ABCB5: variants seen among roughly 807,000 people sequenced by gnomAD.
The protein encoded by ABCB5 is ATP binding cassette subfamily B member 5.
A neutral mutation model predicts 144.2 loss-of-function variants in ABCB5; 155 were observed. The ratio of observed to expected loss-of-function variants is 1.08; its 90% confidence interval spans 0.94 to 1.23. The LOEUF (loss-of-function observed/expected upper bound fraction) is 1.23, where lower values mean the gene tolerates loss of function less well. ABCB5 is among the 50% of genes most tolerant of loss of function. The pLI is 0.00. For synonymous variants in ABCB5, 610 were observed against 528.6 expected (o/e 1.15, Z -2.11); for missense variants, 1,830 against 1,520.8 (o/e 1.20, Z -3.38).
At chr7:20,659,341 T>TA in intron 14 of ABCB5, 1 of 1,336,088 alleles carries the variant, frequency 7.5e-7, no homozygotes, top group Non-Finnish European at 9.6e-7. Flanking sequence ...TCAGACCCCT[T>TA]ACAAGGCTTA....
At chr7:20,621,524 G>A (rs1356669803) in intron 1 of ABCB5, among the ~76,000 whole-genome samples, 2 of 152,030 alleles carry the variant, frequency 1.3e-5, no homozygotes, top group African/African-American at 2.4e-5. Flanking sequence ...AATAAAACAT[G>A]GGGTTCCTCA....
At chr7:20,660,468 T>A in intron 14 of ABCB5, 5 of 897,740 alleles carry the variant, frequency 5.6e-6, no homozygotes, top group Non-Finnish European at 6.7e-6. Flanking sequence ...AGTAGCACAG[T>A]AAACTAGATT....
At position 20,723,052 on chromosome 7, in the gene ABCB5, G is replaced by A. The variant is rs747525237; in HGVS notation, c.2458G>A (p.Ala820Thr). Residue 820 changes from alanine to threonine, a missense_variant, in exon 21 of 28, where the codon GCA becomes ACA. Physicochemically the swap from Ala to Thr is moderately conservative, Grantham distance 58. Transcript: ENST00000404938. ...GSRIGVLTQN[A>T]TNMGLSVIIS... is the part of the protein sequence containing the mutation. Reference sequence around the variant, plus strand: ...CAGGATTGGCGTCTTAACACAAAATGCAACTAACATGGGACTTTCAGTTAT... The same window carrying A: ...CAGGATTGGCGTCTTAACACAAAATACAACTAACATGGGACTTTCAGTTAT... The A allele has an allele frequency of 2.5e-6, 4 of 1,613,974 alleles. No homozygotes were observed. Among genetic ancestry groups the A allele is most frequent in the Non-Finnish European group, 3.4e-6 (4 of 1,180,026 alleles).
At chr7:20,656,897 TTC>T (rs922759018) in intron 13 of ABCB5, among the ~76,000 whole-genome samples, 2 of 146,350 alleles carry the variant, frequency 1.4e-5, no homozygotes, top group African/African-American at 5.2e-5. Context: ...GATCTAATTT[TTC>T]TTTTTCCTTT....
intron 14 of ABCB5, 122 bp downstream of exon 14, chr7:20,658,798 G>A: frequency 8.2e-7 from 1 of 1,222,942 alleles, no homozygotes; most frequent in Admixed American, 2.6e-5. Flanking sequence ...TATAAAGGCA[G>A]GATGTTAATC....
chr7:20,745,085 T>G, intron 25 of ABCB5, 147 bp from the exon 26 acceptor site: 15 of 811,874 alleles, frequency 1.8e-5, no homozygotes, highest in East Asian at 2.7e-5. Flanking sequence ...GTATGATTTA[T>G]GAGCCTTCCT....
At chr7:20,669,984 G>T (rs1785411688) in intron 14 of ABCB5, among the ~76,000 whole-genome samples, 1 of 152,144 alleles carries the variant, frequency 6.6e-6, no homozygotes, top group African/African-American at 2.4e-5. Flanking sequence ...TATCAGCATA[G>T]GCTGAATATC....
chr7:20,699,907 G>A lies in ABCB5; in HGVS notation c.2237G>A (p.Cys746Tyr), dbSNP rs1488204182. 5 of 1,612,316 alleles carry A rather than the reference G, an allele frequency of 3.1e-6. No homozygotes were observed. The highest frequency in any genetic ancestry group is 1.3e-5 in the African/African-American group (1 of 74,866). The change falls in exon 18 of 28, where the codon TGC becomes TAC. Residue 746 changes from cysteine to tyrosine, a missense_variant. Physicochemically the swap from Cys to Tyr is radical, Grantham distance 194 (BLOSUM62 -2). Coordinates refer to ENST00000404938, the MANE Select transcript of ABCB5 (RefSeq NM_001163941.2). ...ATATTCGTCATTTTGGGTGTTATTT[G>A]CTTTGTCAGTTATTTCATGCAGGTA... The part of the protein sequence containing the change: ...SMIFVILGVI[C>Y]FVSYFMQGLF...
chr7:20,658,781 C>T, intron 14 of ABCB5, 105 bp downstream of exon 14: 6 of 1,340,802 alleles, frequency 4.5e-6, no homozygotes, highest in Non-Finnish European at 6.1e-6. Flanking sequence ...TGAGAGCCCT[C>T]TTAAGGTATA....
chr7:20,707,096 G>A (rs757870417), intron 20 of ABCB5, among the ~76,000 whole-genome samples: 10 of 151,844 alleles, frequency 6.6e-5, no homozygotes, highest in Middle Eastern at 3.2e-3. Flanking sequence ...ATAATTTGGG[G>A]GTCATATTTC....
intron 14 of ABCB5, chr7:20,667,536 T>C: frequency 1.0e-6 from 1 of 977,918 alleles, no homozygotes; most frequent in Non-Finnish European, 1.2e-6. Context: ...TTATATTTTC[T>C]AATTAAATTC....
At chr7:20,621,967 T>G (rs1313385705) in intron 1 of ABCB5, among the ~76,000 whole-genome samples, 1 of 152,144 alleles carries the variant, frequency 6.6e-6, no homozygotes, top group Non-Finnish European at 1.5e-5. Context: ...GGACTTCCTT[T>G]GCTCATACTG....
chr7:20,626,244 G>A lies in ABCB5; in HGVS notation c.54-313G>A, dbSNP rs76128634. Among the ~76,000 whole-genome samples the A allele has an allele frequency of 9.8e-3, 1,490 of 152,092 alleles. 22 individuals carry two copies. The highest frequency in any genetic ancestry group is 0.034 in the African/African-American group (1,415 of 41,466). ...CTGTGGGTAAATCAAAATAAATGGTGGCACAACAATGTGACTGTACTTAGT... is the reference window on the plus strand; with the variant it reads ...CTGTGGGTAAATCAAAATAAATGGTAGCACAACAATGTGACTGTACTTAGT... On this transcript the variant is annotated intron_variant, in intron 2 of 27. Coordinates refer to ENST00000404938, the MANE Select transcript of ABCB5 (RefSeq NM_001163941.2).
chr7:20,672,649 T>A (rs896367368), intron 14 of ABCB5, among the ~76,000 whole-genome samples: 1 of 152,184 alleles, frequency 6.6e-6, no homozygotes, highest in Non-Finnish European at 1.5e-5. Flanking sequence ...CTTCTGAAGG[T>A]ATTATAGTTT....
rs760681422 is a variant in ABCB5 at position 20,723,209 on chromosome 7, A to T, written c.2615A>T (p.His872Leu). 1 of 1,614,024 alleles carries T rather than the reference A, an allele frequency of 6.2e-7. No individual in the cohort carries two copies. Among genetic ancestry groups the T allele is most frequent in the African/African-American group, 1.3e-5 (1 of 74,954 alleles). The stretch of plus-strand genomic sequence containing the variant: ...AACAAAGATAAGCAAGAACTTAAGC[A>T]TGCTGGAAAGGTAAAATGAAGACTG... ...FANKDKQELK[H>L]AGKIATEALE... The change falls in exon 21 of 28, where the codon CAT (histidine) becomes CTT (leucine). Residue 872 changes from histidine to leucine, a missense_variant. Transcript: ENST00000404938.
intron 26 of ABCB5, among the ~76,000 whole-genome samples, chr7:20,750,804 T>A (rs1782900705): frequency 6.6e-6 from 1 of 152,154 alleles, no homozygotes; most frequent in South Asian, 2.1e-4. Context: ...ATGCTGAGTG[T>A]AATGTAATGC....
intron 5 of ABCB5, among the ~76,000 whole-genome samples, chr7:20,633,960 C>A (rs192984107): frequency 6.6e-6 from 1 of 151,914 alleles, no homozygotes; most frequent in Admixed American, 6.6e-5. Context: ...TTTTGTGTAG[C>A]CATGACCCAA....
chr7:20,694,783 C>T (rs1786351703), intron 16 of ABCB5, among the ~76,000 whole-genome samples: 1 of 151,842 alleles, frequency 6.6e-6, no homozygotes, highest in African/African-American at 2.4e-5. Context: ...AAATCAATCC[C>T]AATTCTATAT....
chr7:20,622,438 T>A (rs953991652), intron 1 of ABCB5, among the ~76,000 whole-genome samples: 2 of 152,150 alleles, frequency 1.3e-5, no homozygotes, highest in East Asian at 3.8e-4. Flanking sequence ...TAAAAGCAGT[T>A]CTGATCCACT....
Sources: gnomAD v4.1 joint callset for allele counts (sites outside exome capture counted in the v4.1 genomes callset) on GRCh38, gnomAD v4.1.1 for gene constraint, MANE v1.5 for transcripts, NCBI Gene and HGNC (gene_info 2026-07-23, HGNC 2026-07-21) for gene names.